The following NAPG variants were observed in gnomAD, a reference collection of about 807,000 sequenced individuals.
NAPG encodes the protein NSF attachment protein gamma.
A neutral mutation model predicts 48.4 loss-of-function variants in NAPG; 25 were observed. That is an observed-to-expected ratio of 0.52 (90% CI 0.38 to 0.72). NAPG has a LOEUF of 0.72. NAPG is among the 30% of genes least tolerant of loss of function. The pLI is 0.00. For synonymous variants in NAPG, 139 were observed against 127.2 expected (o/e 1.09, Z -0.62); for missense variants, 359 against 372.5 (o/e 0.96, Z 0.30).
intron 1 of NAPG, among the ~76,000 whole-genome samples, chr18:10,529,300 T>C (rs2031881737): frequency 6.6e-6 from 1 of 152,238 alleles, no homozygotes; most frequent in African/African-American, 2.4e-5. Flanking sequence ...TTTTGTAGAT[T>C]TGAGTAGACA....
rs533677850 is a variant in NAPG at position 10,541,359 on chromosome 18, G to A, written c.506+960G>A. On this transcript the variant is annotated intron_variant, in intron 8 of 11. Coordinates refer to ENST00000322897, the MANE Select transcript of NAPG (RefSeq NM_003826.3). Reference sequence around the variant, plus strand: ...GAAAGTTTAATTTAAATGTCAGTCCGGGGTCATTATCTTTATTCATCTTAT... The same window carrying A: ...GAAAGTTTAATTTAAATGTCAGTCCAGGGTCATTATCTTTATTCATCTTAT... Among the ~76,000 whole-genome samples the A allele has an allele frequency of 9.2e-5, 14 of 152,220 alleles. 1 individual carries two copies. In the South Asian group the frequency reaches 1.7e-3, roughly 18 times the overall value.
Position 10,552,157 on chromosome 18 carries a change from T to A in NAPG, c.*1937T>A, listed in dbSNP as rs1032950419. 3.3e-5 allele frequency: 5 copies of A among 152,184 alleles called. No individual in the cohort carries two copies. The highest frequency in any genetic ancestry group is 4.8e-5 in the African/African-American group (2 of 41,438). The allele number at this position is 152,184 out of a possible 1,614,324, so 9.4% of individuals were successfully genotyped here. On this transcript the variant is annotated 3_prime_UTR_variant, in exon 12 of 12. Coordinates refer to ENST00000322897, the MANE Select transcript of NAPG (RefSeq NM_003826.3). Reference sequence around the variant, plus strand: ...ACCCATTAAAGTCTGGGGGAAAAAATTTTTTAATTTTACTCTTCTTATGTA... The same window carrying A: ...ACCCATTAAAGTCTGGGGGAAAAAAATTTTTAATTTTACTCTTCTTATGTA...
intron 1 of NAPG, among the ~76,000 whole-genome samples, chr18:10,530,273 C>T (rs1290010812): frequency 7.6e-6 from 1 of 130,784 alleles, no homozygotes; most frequent in Non-Finnish European, 1.6e-5. Flanking sequence ...TTTCTGTTCT[C>T]TCTCTGCAGT....
Position 10,534,233 on chromosome 18 carries a change from C to T in NAPG, c.228-233C>T, listed in dbSNP as rs1479267698. Among the ~76,000 whole-genome samples, 2 of 152,158 alleles carry T rather than the reference C, an allele frequency of 1.3e-5. No homozygotes were observed. Among genetic ancestry groups the T allele is most frequent in the African/African-American group, 4.8e-5 (2 of 41,424 alleles). ...CCTTACTGAGCCTTACTTAATTTTGCATCTGCAAAATAAAATCTCTTTAAC... is the reference window on the plus strand; with the variant it reads ...CCTTACTGAGCCTTACTTAATTTTGTATCTGCAAAATAAAATCTCTTTAAC... On this transcript the variant is annotated intron_variant, in intron 4 of 11. Coordinates refer to ENST00000322897, the MANE Select transcript of NAPG (RefSeq NM_003826.3). This position sits in a 1 kb window ranked among gnomAD's most constrained non-coding sequence, Gnocchi z 5.0.
At chr18:10,526,415 C>CCCGGCG (rs2031811993) in intron 1 of NAPG, 2 of 527,442 alleles carry the variant, frequency 3.8e-6, no homozygotes, top group Non-Finnish European at 6.7e-6. Context: ...TGGGCGGGGA[C>CCCGGCG]TCGGCGCAGT....
intron 2 of NAPG, 47 bp from the exon 3 acceptor site, chr18:10,532,664 T>G (rs1337251453): frequency 1.4e-6 from 2 of 1,411,946 alleles, no homozygotes; most frequent in African/African-American, 1.4e-5. Context: ...AATGATTCAT[T>G]TGAGGTTTTT....
In NAPG at chr18:10,544,597, T is replaced by C. The variant is rs2032223825; in HGVS notation, c.507-1729T>C. ...GAGACATCAGGAGTACTCTGGCCTC[T>C]AACTTAAGGAAGGGCCCACCTGATT... is the stretch of plus-strand genomic sequence containing the variant. On this transcript the variant is annotated intron_variant, in intron 8 of 11. Coordinates refer to ENST00000322897, the MANE Select transcript of NAPG (RefSeq NM_003826.3). The surrounding 1 kb of genome is among the most constrained non-coding windows in gnomAD (Gnocchi z 5.1). Among the ~76,000 whole-genome samples, 1 of 152,184 alleles carries C rather than the reference T, an allele frequency of 6.6e-6. No individual in the cohort carries two copies. Among genetic ancestry groups the C allele is most frequent in the Admixed American group, 6.5e-5 (1 of 15,282 alleles).
Position 10,549,115 on chromosome 18 carries a change from A to C in NAPG, c.795+19A>C. The C allele has an allele frequency of 6.3e-7, 1 of 1,598,984 alleles. No individual in the cohort carries two copies. Among genetic ancestry groups the C allele is most frequent in the East Asian group, 2.2e-5 (1 of 44,470 alleles). ...CAATGATGTAAGTGGACCCATTTGC[A>C]TAGCTTTCATCTTTTCTCTTGAAAG... On this transcript the variant is annotated intron_variant, in intron 11 of 11. Transcript: ENST00000322897.
chr18:10,548,342 ATG>A lies in NAPG; in HGVS notation c.631_632del (p.Val211SerfsTer11), dbSNP rs1567894711. ...TTAGTTCATCTACACAGAAATGACT[ATG>A]TAGCTGCAGAAAGATGTGTCCGGGA... On this transcript the variant is annotated frameshift_variant, in exon 10 of 12. Coordinates refer to ENST00000322897, the MANE Select transcript of NAPG (RefSeq NM_003826.3). LOFTEE classifies it high-confidence loss of function. This position sits in a 1 kb window ranked among gnomAD's most constrained non-coding sequence, Gnocchi z 4.4. The A allele has an allele frequency of 6.2e-7, 1 of 1,613,754 alleles. No individual in the cohort carries two copies. The highest frequency in any genetic ancestry group is 8.5e-7 in the Non-Finnish European group (1 of 1,179,778).
rs2032367668 is a variant in NAPG at position 10,550,570 on chromosome 18, G to T, written c.*350G>T. The T allele has an allele frequency of 6.1e-6, 1 of 163,328 alleles. No individual in the cohort carries two copies. Among genetic ancestry groups the T allele is most frequent in the Non-Finnish European group, 1.3e-5 (1 of 75,572 alleles). The allele number at this position is 163,328 out of a possible 1,614,324, so 10.1% of individuals were successfully genotyped here. On this transcript the variant is annotated 3_prime_UTR_variant, in exon 12 of 12. Coordinates refer to ENST00000322897, the MANE Select transcript of NAPG (RefSeq NM_003826.3). Reference sequence around the variant, plus strand: ...CATAGGTATTCTCTCTTGGACACTTGTAAGTTACTGTTAGTGAATTGTTTT... The same window carrying T: ...CATAGGTATTCTCTCTTGGACACTTTTAAGTTACTGTTAGTGAATTGTTTT...
chr18:10,531,583 C>T (rs1042228888), intron 2 of NAPG, among the ~76,000 whole-genome samples: 24 of 152,306 alleles, frequency 1.6e-4, no homozygotes, highest in African/African-American at 5.5e-4. Flanking sequence ...GGTTAAACAG[C>T]AAATGAGTCT....
Position 10,543,794 on chromosome 18 carries a change from A to G in NAPG, c.507-2532A>G, listed in dbSNP as rs1452730709. On this transcript the variant is annotated intron_variant, in intron 8 of 11. Transcript: ENST00000322897. This position sits in a 1 kb window ranked among gnomAD's most constrained non-coding sequence, Gnocchi z 4.4. Reference sequence around the variant, plus strand: ...ATTACCTGATGGAAAAGTTGAAAGCATCTGTGTTTCATTATAATAAGTAAC... The same window carrying G: ...ATTACCTGATGGAAAAGTTGAAAGCGTCTGTGTTTCATTATAATAAGTAAC... Among the ~76,000 whole-genome samples the G allele has an allele frequency of 6.6e-6, 1 of 152,256 alleles. No homozygotes were observed. Among genetic ancestry groups the G allele is most frequent in the Non-Finnish European group, 1.5e-5 (1 of 68,042 alleles).
rs1460358978 is a variant in NAPG at position 10,550,069 on chromosome 18, G to A, written c.796-8G>A. 6.5e-7 allele frequency: 1 copy of A among 1,540,958 alleles called. No individual in the cohort carries two copies. Among genetic ancestry groups the A allele is most frequent in the Non-Finnish European group, 8.7e-7 (1 of 1,152,474 alleles). On this transcript the variant is annotated splice_region_variant and splice_polypyrimidine_tract_variant and intron_variant, in intron 11 of 11. Transcript: ENST00000322897. ...CCAGCTTTTAAGAACATGTTCTGTT[G>A]TTGACAGTATGCTAAGCTGGGCCTG...
rs72972828 is a variant in NAPG, at chr18:10,527,201, A to G, written c.56+1043A>G. 8.3e-3 allele frequency among the ~76,000 whole-genome samples: 1,239 copies of G among 149,630 alleles called. 64 individuals carry two copies. The East Asian group carries it at 0.14, about 17-fold the overall frequency. On this transcript the variant is annotated intron_variant, in intron 1 of 11. Coordinates refer to ENST00000322897, the MANE Select transcript of NAPG (RefSeq NM_003826.3). The stretch of plus-strand genomic sequence containing the variant: ...AGACTCCGTCTCAAAAAAAAAAAAA[A>G]AAAAGAAAAGAAAAAGTCAGCATTG...
Position 10,548,200 on chromosome 18 carries a change from A to G in NAPG, c.586-99A>G. On this transcript the variant is annotated intron_variant, in intron 9 of 11. Transcript: ENST00000322897. This position sits in a 1 kb window ranked among gnomAD's most constrained non-coding sequence, Gnocchi z 4.4. ...TATAAATCTCTGTTTATACAAACAA[A>G]GACTCTGAAAGTTAAACTCCAGGTG... The G allele has an allele frequency of 1.2e-6, 1 of 818,252 alleles. No homozygotes were observed. Among genetic ancestry groups the G allele is most frequent in the South Asian group, 1.5e-5 (1 of 66,262 alleles). The allele number at this position is 818,252 out of a possible 1,614,324, so 50.7% of individuals were successfully genotyped here.
At chr18:10,529,296 A>G (rs954740905) in intron 1 of NAPG, among the ~76,000 whole-genome samples, 1 of 152,246 alleles carries the variant, frequency 6.6e-6, no homozygotes, top group African/African-American at 2.4e-5. Context: ...TCAATTTTGT[A>G]GATTTGAGTA....
intron 11 of NAPG, 47 bp from the exon 12 acceptor site, chr18:10,550,030 A>T (rs1353998477): frequency 6.7e-7 from 1 of 1,484,516 alleles, no homozygotes; most frequent in Non-Finnish European, 8.9e-7. Context: ...AAAACATGTT[A>T]GGATTCTAGT....
chr18:10,532,643 C>T, intron 2 of NAPG, 68 bp from the exon 3 acceptor site: 2 of 1,177,798 alleles, frequency 1.7e-6, no homozygotes, highest in Non-Finnish European at 1.2e-6. Flanking sequence ...ATATAAAATG[C>T]AGATTTCAGT....
intron 8 of NAPG, among the ~76,000 whole-genome samples, chr18:10,540,939 TC>T (rs1291684802): frequency 6.8e-6 from 1 of 147,978 alleles, no homozygotes; most frequent in Non-Finnish European, 1.5e-5. Context: ...ACAATTTTTT[TC>T]ATTAATAAAA....
Sources: allele counts gnomAD v4.1 joint callset (sites outside exome capture counted in the v4.1 genomes callset), GRCh38; gene constraint gnomAD v4.1.1; non-coding constraint Gnocchi (gnomAD v3.1); transcripts MANE v1.5; gene names NCBI Gene and HGNC (gene_info 2026-07-23, HGNC 2026-07-21).